The following PCDHGA6 variants were observed in gnomAD, a reference collection of about 807,000 sequenced individuals.
PCDHGA6 encodes the protein protocadherin gamma-A6.
Under a neutral mutation model 60.6 loss-of-function variants are expected in PCDHGA6, and 41 were observed. The ratio of observed to expected loss-of-function variants is 0.68; its 90% CI spans 0.53 to 0.88. The LOEUF (loss-of-function observed/expected upper bound fraction) is 0.88. Ranked by LOEUF, PCDHGA6 falls within the 40% of genes least tolerant of loss-of-function variation. PCDHGA6 has a pLI of 0.00. For synonymous variants in PCDHGA6, 594 were observed against 524.4 expected (o/e 1.13, Z -1.81); for missense variants, 1,312 against 1,203.0 (o/e 1.09, Z -1.34).
At chr5:141,394,871 T>A in intron 1 of PCDHGA6, 1 of 1,613,814 alleles carries the variant, frequency 6.2e-7, no homozygotes, top group Non-Finnish European at 8.5e-7. Flanking sequence ...ACCCGAACGA[T>A]TCGAGCCTTA....
chr5:141,384,769 G>C (rs778610936), intron 1 of PCDHGA6: 1 of 1,613,914 alleles, frequency 6.2e-7, no homozygotes, highest in Non-Finnish European at 8.5e-7. Context: ...GCTGTACACG[G>C]GCGAGGTGCG....
Position 141,409,737 on chromosome 5 carries a change from G to C in PCDHGA6, c.2424+33230G>C, listed in dbSNP as rs199531162. The C allele has an allele frequency of 1.4e-3, 2,254 of 1,613,108 alleles. 2 individuals carry two copies. Among genetic ancestry groups the C allele is most frequent in the Non-Finnish European group, 1.8e-3 (2,079 of 1,179,866 alleles). On this transcript the variant is annotated intron_variant, in intron 1 of 3. Coordinates refer to ENST00000517434, the MANE Select transcript of PCDHGA6 (RefSeq NM_018919.3). ...TACGTGTCAGTGAGCGCGCAGAGCGGGGTGGTGTTCGCGCAGCGCGCCTTT... is the reference window on the plus strand; with the variant it reads ...TACGTGTCAGTGAGCGCGCAGAGCGCGGTGGTGTTCGCGCAGCGCGCCTTT...
Position 141,477,931 on chromosome 5 carries a change from G to T in PCDHGA6, c.2425-16876G>T. 6.2e-7 allele frequency: 1 copy of T among 1,614,138 alleles called. No homozygotes were observed. Among genetic ancestry groups the T allele is most frequent in the Non-Finnish European group, 8.5e-7 (1 of 1,180,040 alleles). ...ACGCGGATGCAGGGCACAATGCCTG[G>T]CTCTCCTACAGTCTCTTGGGATCCC... On this transcript the variant is annotated intron_variant, in intron 1 of 3. Coordinates refer to ENST00000517434, the MANE Select transcript of PCDHGA6 (RefSeq NM_018919.3). This position sits in a 1 kb window ranked among gnomAD's most constrained non-coding sequence, Gnocchi z 4.9.
Position 141,415,174 on chromosome 5 carries a change from G to C in PCDHGA6, c.2424+38667G>C, listed in dbSNP as rs1368688199. ...CTCCGCCACTGTCACGCTCACCGTG[G>C]CCGTGGCCGACAGCATCCCCCAAGT... On this transcript the variant is annotated intron_variant, in intron 1 of 3. Transcript: ENST00000517434. 4 of 1,613,784 alleles carry C rather than the reference G, an allele frequency of 2.5e-6. No homozygotes were observed. The African/African-American group carries it at 4.0e-5, about 16-fold the overall frequency.
At chr5:141,385,287 T>C in intron 1 of PCDHGA6, 1 of 1,613,408 alleles carries the variant, frequency 6.2e-7, no homozygotes, top group Non-Finnish European at 8.5e-7. Flanking sequence ...CATCCGTAGA[T>C]TTTCAGGAAT....
In PCDHGA6 at chr5:141,491,801, G is replaced by C; in HGVS notation, c.2425-3006G>C. 1 of 1,500,844 alleles carries C rather than the reference G, an allele frequency of 6.7e-7. No individual in the cohort carries two copies. Among genetic ancestry groups the C allele is most frequent in the Non-Finnish European group, 8.9e-7 (1 of 1,125,292 alleles). The allele number at this position is 1,500,844 out of a possible 1,614,324, so 93.0% of individuals were successfully genotyped here. The stretch of plus-strand genomic sequence containing the variant: ...AACTTGCATCCACTCCTCTCCGGCC[G>C]GCTTGGTCGCTGGCTGCGCTCCACC... On this transcript the variant is annotated intron_variant, in intron 1 of 3. Coordinates refer to ENST00000517434, the MANE Select transcript of PCDHGA6 (RefSeq NM_018919.3). The surrounding 1 kb of genome is among the most constrained non-coding windows in gnomAD (Gnocchi z 6.9).
intron 1 of PCDHGA6, chr5:141,475,850 G>A (rs2099376325): frequency 1.9e-5 from 9 of 464,524 alleles, no homozygotes; most frequent in Middle Eastern, 5.9e-4. Context: ...AGAGAGCCCG[G>A]CGCTAGCTCA....
intron 1 of PCDHGA6, chr5:141,417,619 C>A: frequency 1.5e-6 from 1 of 656,120 alleles, no homozygotes; most frequent in South Asian, 2.4e-5. Flanking sequence ...CAGTGCAGAG[C>A]AAGCGCTGAC....
chr5:141,394,488 G>C lies in PCDHGA6; in HGVS notation c.2424+17981G>C, dbSNP rs753312224. 7.4e-6 allele frequency: 12 copies of C among 1,614,196 alleles called. No homozygotes were observed. In the South Asian group the frequency reaches 1.1e-4, roughly 15 times the overall value. ...GTTCGTGCTGGACCAGAATGACAAC[G>C]CGCCCGAGATCCTGTACCCCGCCCT... is the stretch of plus-strand genomic sequence containing the variant. On this transcript the variant is annotated intron_variant, in intron 1 of 3. Transcript: ENST00000517434.
intron 2 of PCDHGA6, among the ~76,000 whole-genome samples, chr5:141,496,186 G>A (rs879940448): frequency 2.0e-5 from 3 of 152,018 alleles, no homozygotes; most frequent in Non-Finnish European, 4.4e-5. Flanking sequence ...AGCAGCCCCA[G>A]CTGCTCATTT....
At chr5:141,430,595 G>T (rs549786394) in intron 1 of PCDHGA6, 3 of 567,018 alleles carry the variant, frequency 5.3e-6, no homozygotes, top group African/African-American at 1.9e-5. Context: ...CCTTGCACGC[G>T]CCTGAAGCAC....
intron 3 of PCDHGA6, among the ~76,000 whole-genome samples, chr5:141,508,986 G>C (rs1298630784): frequency 2.0e-5 from 3 of 152,148 alleles, no homozygotes; most frequent in Non-Finnish European, 4.4e-5. Context: ...GTGGGGGCCA[G>C]CTGGGGTAGG....
At chr5:141,415,055 C>G in intron 1 of PCDHGA6, 2 of 1,613,402 alleles carry the variant, frequency 1.2e-6, no homozygotes, top group East Asian at 2.2e-5. Flanking sequence ...GGGGAGCACA[C>G]GGGCGAGGTG....
chr5:141,493,289 C>T lies in PCDHGA6; in HGVS notation c.2425-1518C>T, dbSNP rs925045650. 2.6e-5 allele frequency among the ~76,000 whole-genome samples: 4 copies of T among 152,176 alleles called. No individual in the cohort carries two copies. Among genetic ancestry groups the T allele is most frequent in the Non-Finnish European group, 5.9e-5 (4 of 68,030 alleles). On this transcript the variant is annotated intron_variant, in intron 1 of 3. Coordinates refer to ENST00000517434, the MANE Select transcript of PCDHGA6 (RefSeq NM_018919.3). The surrounding 1 kb of genome is among the most constrained non-coding windows in gnomAD (Gnocchi z 4.3). ...CTTCACAGAGGTCAAGTGACTTGCT[C>T]AAGTTCACAGAGCAAGTAAGAGAGA...
chr5:141,491,243 ATGAGGACCC>A lies in PCDHGA6; in HGVS notation c.2425-3557_2425-3549del. 1 of 1,614,200 alleles carries A rather than the reference ATGAGGACCC, an allele frequency of 6.2e-7. No individual in the cohort carries two copies. Among genetic ancestry groups the A allele is most frequent in the African/African-American group, 1.3e-5 (1 of 75,056 alleles). ...GCCACAGTGCTGCTGGTTCTGGAGG[ATGAGGACCC>A]TGAGGAAATGCCCAAATCCAGTGAC... On this transcript the variant is annotated intron_variant, in intron 1 of 3. Coordinates refer to ENST00000517434, the MANE Select transcript of PCDHGA6 (RefSeq NM_018919.3). This position sits in a 1 kb window ranked among gnomAD's most constrained non-coding sequence, Gnocchi z 6.9.
intron 1 of PCDHGA6, chr5:141,395,876 T>C (rs1175297322): frequency 6.6e-6 from 1 of 152,090 alleles, no homozygotes; most frequent in Non-Finnish European, 1.5e-5. Context: ...AGTATGTGAG[T>C]CAGTGGTCAC....
At chr5:141,387,214 A>G (rs189405322) in intron 1 of PCDHGA6, among the ~76,000 whole-genome samples, 1 of 152,346 alleles carries the variant, frequency 6.6e-6, no homozygotes, top group African/African-American at 2.4e-5. Context: ...TACTCTCCGG[A>G]AAAAGTTGAA....
chr5:141,505,267 A>G (rs2099845018), intron 2 of PCDHGA6, 126 bp from the exon 3 acceptor site: 1 of 1,514,640 alleles, frequency 6.6e-7, no homozygotes, highest in Admixed American at 2.0e-5. Flanking sequence ...TACCTTGCTG[A>G]GAGAAACAGG....
chr5:141,393,249 G>C, intron 1 of PCDHGA6: 7 of 1,613,786 alleles, frequency 4.3e-6, no homozygotes, highest in Non-Finnish European at 5.9e-6. Context: ...TAACGAAATC[G>C]CGGTTCCTGG....
Sources: allele counts gnomAD v4.1 joint callset (sites outside exome capture counted in the v4.1 genomes callset), GRCh38; gene constraint gnomAD v4.1.1; non-coding constraint Gnocchi (gnomAD v3.1); transcripts MANE v1.5; gene names NCBI Gene and HGNC (gene_info 2026-07-23, HGNC 2026-07-21).